Variants in LAMA1 observed in about 807,000 individuals in gnomAD.
LAMA1 encodes laminin subunit alpha-1.
LAMA1 carries 219 observed loss-of-function variants against 348.7 expected under a neutral mutation model. The observed-to-expected ratio is 0.63, with a 90% CI of 0.56 to 0.70. LAMA1 has a LOEUF of 0.70. Ranked by LOEUF, LAMA1 falls within the 30% of genes least tolerant of loss-of-function variation. The pLI, the probability that LAMA1 is intolerant of heterozygous loss-of-function variation, is 0.00. For synonymous variants in LAMA1, 1,487 were observed against 1,491.0 expected (o/e 1.00, Z 0.06); for missense variants, 3,744 against 3,888.0 (o/e 0.96, Z 0.99).
intron 1 of LAMA1, among the ~76,000 whole-genome samples, chr18:7,085,691 T>G (rs1369037414): frequency 1.3e-5 from 2 of 152,162 alleles, no homozygotes; most frequent in Non-Finnish European, 2.9e-5. Flanking sequence ...GTGCTGGGAT[T>G]ACAGGCGTGA....
At chr18:7,063,377 G>A (rs1230930062) in intron 3 of LAMA1, among the ~76,000 whole-genome samples, 1 of 152,104 alleles carries the variant, frequency 6.6e-6, no homozygotes, top group East Asian at 1.9e-4. Context: ...GAAGGCTTTT[G>A]TTTATTTTTT....
At chr18:7,102,673 T>C (rs1246095545) in intron 1 of LAMA1, among the ~76,000 whole-genome samples, 2 of 152,096 alleles carry the variant, frequency 1.3e-5, no homozygotes, top group Non-Finnish European at 2.9e-5. Flanking sequence ...GGAACACACT[T>C]AGTAGGATTC....
At chr18:7,000,746 A>T (rs1477326640) in intron 30 of LAMA1, among the ~76,000 whole-genome samples, 1 of 152,248 alleles carries the variant, frequency 6.6e-6, no homozygotes, top group African/African-American at 2.4e-5. Context: ...AAAACCAGTT[A>T]GAGCCAAGTC....
chr18:7,009,428 T>C, intron 26 of LAMA1, 62 bp from the exon 27 acceptor site: 1 of 1,556,148 alleles, frequency 6.4e-7, no homozygotes, highest in Non-Finnish European at 8.8e-7. Context: ...GCATAAAACT[T>C]ATAAAGAATA....
chr18:7,080,585 A>G lies in LAMA1; in HGVS notation c.62-128T>C, dbSNP rs546615946. The G allele has an allele frequency of 6.3e-6, 6 of 952,636 alleles. No homozygotes were observed. In the South Asian group the frequency reaches 8.4e-5, roughly 13 times the overall value. 59.0% of individuals were successfully genotyped at this position (952,636 alleles called of 1,614,324 possible). ...ATGTGCTGAATGAAGGAATCCTTAC[A>G]CAAACACCGTATACGCAGCATGGTT... is the stretch of plus-strand genomic sequence containing the variant. On this transcript the variant is annotated intron_variant, in intron 1 of 62. Coordinates refer to ENST00000389658, the MANE Select transcript of LAMA1 (RefSeq NM_005559.4).
At chr18:6,971,816 C>G in intron 48 of LAMA1, 41 bp downstream of exon 48, 1 of 1,613,050 alleles carries the variant, frequency 6.2e-7, no homozygotes, top group Non-Finnish European at 8.5e-7. Context: ...CAGATGTTAA[C>G]AGAATAACAT....
At chr18:7,092,642 AAAAG>A (rs2058244129) in intron 1 of LAMA1, among the ~76,000 whole-genome samples, 1 of 151,852 alleles carries the variant, frequency 6.6e-6, no homozygotes, top group Non-Finnish European at 1.5e-5. Context: ...AAAAAAAAAA[AAAAG>A]AATGCCCTTT....
intron 55 of LAMA1, 122 bp from the exon 56 acceptor site, chr18:6,956,887 G>T: frequency 9.4e-7 from 1 of 1,065,392 alleles, no homozygotes; most frequent in Non-Finnish European, 1.4e-6. Context: ...TTCTCTTAGA[G>T]TAACCAAAGT....
Position 6,979,870 on chromosome 18 carries a change from G to A in LAMA1, c.6007+651C>T, listed in dbSNP as rs188300560. On this transcript the variant is annotated intron_variant, in intron 42 of 62. Coordinates refer to ENST00000389658, the MANE Select transcript of LAMA1 (RefSeq NM_005559.4). Reference sequence around the variant, plus strand: ...GCCAAGATCGCGCCACTGCACTCCAGCCTGGGCGACAGAGCGAGACTCTGT... The same window carrying A: ...GCCAAGATCGCGCCACTGCACTCCAACCTGGGCGACAGAGCGAGACTCTGT... 7.9e-5 allele frequency among the ~76,000 whole-genome samples: 12 copies of A among 152,314 alleles called. No homozygotes were observed. In the East Asian group the frequency reaches 1.4e-3, roughly 17 times the overall value.
At chr18:7,101,533 A>T (rs2058291099) in intron 1 of LAMA1, among the ~76,000 whole-genome samples, 1 of 152,236 alleles carries the variant, frequency 6.6e-6, no homozygotes, top group Non-Finnish European at 1.5e-5. Flanking sequence ...TGTGTATTGC[A>T]GAAGTGCGTG....
intron 19 of LAMA1, among the ~76,000 whole-genome samples, chr18:7,020,045 T>C (rs1321874150): frequency 6.6e-6 from 1 of 152,150 alleles, no homozygotes; most frequent in East Asian, 1.9e-4. Context: ...TAAAATAGTG[T>C]TATTTTAGGC....
At chr18:7,028,785 G>C (rs999855576) in intron 16 of LAMA1, among the ~76,000 whole-genome samples, 30 of 152,362 alleles carry the variant, frequency 2.0e-4, no homozygotes. Context: ...GCAAAGGGGA[G>C]GGGTGCGGAG....
chr18:7,032,643 C>T (rs920344507), intron 15 of LAMA1, among the ~76,000 whole-genome samples: 3 of 152,158 alleles, frequency 2.0e-5, no homozygotes, highest in African/African-American at 7.2e-5. Context: ...TAAAGCTACC[C>T]AGGTCACATG....
chr18:7,021,822 T>TAA (rs1322554077), intron 19 of LAMA1, among the ~76,000 whole-genome samples: 59 of 99,622 alleles, frequency 5.9e-4, no homozygotes, highest in African/African-American at 3.5e-3. Flanking sequence ...ATAATATATA[T>TAA]TATATAATAT....
chr18:7,030,187 A>G (rs916308071), intron 16 of LAMA1, among the ~76,000 whole-genome samples: 3 of 152,202 alleles, frequency 2.0e-5, no homozygotes, highest in Admixed American at 2.0e-4. Flanking sequence ...AGAAGACACA[A>G]TGATATCCTA....
intron 1 of LAMA1, among the ~76,000 whole-genome samples, chr18:7,102,053 T>C (rs768213898): frequency 1.3e-5 from 2 of 152,202 alleles, no homozygotes; most frequent in Non-Finnish European, 2.9e-5. Context: ...TATTTTAATA[T>C]TGAATTTGAA....
chr18:7,002,409 G>T (rs1374803146), intron 29 of LAMA1, 24 bp from the exon 30 acceptor site: 2 of 1,609,294 alleles, frequency 1.2e-6, no homozygotes, highest in Admixed American at 3.3e-5. Context: ...TTTAAAGGAA[G>T]GGGGAAAAAA....
intron 1 of LAMA1, among the ~76,000 whole-genome samples, chr18:7,097,940 G>T (rs1281593184): frequency 6.7e-6 from 1 of 150,304 alleles, no homozygotes; most frequent in South Asian, 2.1e-4. Flanking sequence ...CTGCCATCTC[G>T]GCTCACTGCA....
At chr18:6,993,275 T>A (rs904613794) in intron 35 of LAMA1, among the ~76,000 whole-genome samples, 3 of 152,080 alleles carry the variant, frequency 2.0e-5, no homozygotes, top group African/African-American at 7.2e-5. Flanking sequence ...TGAGAAGTGA[T>A]TAAATTATTC....
Sources: gnomAD v4.1 joint callset for allele counts (sites outside exome capture counted in the v4.1 genomes callset) on GRCh38, gnomAD v4.1.1 for gene constraint, MANE v1.5 for transcripts, NCBI Gene and HGNC (gene_info 2026-07-23, HGNC 2026-07-21) for gene names.